The following CDH16 variants were observed in gnomAD, a reference collection of about 807,000 sequenced individuals.
CDH16 encodes the protein cadherin 16.
CDH16 carries 79 observed loss-of-function variants against 87.6 expected under a neutral mutation model. That is an observed-to-expected ratio of 0.90 (90% CI 0.75 to 1.09). The LOEUF (loss-of-function observed/expected upper bound fraction) is 1.09, where lower values mean the gene tolerates loss of function less well. CDH16 is among the 50% of genes least tolerant of loss of function. The pLI is 0.00. For synonymous variants in CDH16, 457 were observed against 439.5 expected, an observed-to-expected ratio of 1.04 and a Z score of -0.50; for missense variants, 1,124 against 1,071.7, an observed-to-expected ratio of 1.05 and a Z score of -0.68.
chr16:66,909,372 G>C lies in CDH16; in HGVS notation c.2287C>G (p.Arg763Gly). ...ATGCACTGCCCCTCCACGTTGCAGC[G>C]ACACACGATCACTGAGGGGAGAGGG... ...WQLLVRVIVC[R>G]CNVEGQCMRK... is the part of the protein sequence containing the mutation. The change falls in exon 17 of 18, where the codon CGC becomes GGC. Residue 763 changes from arginine (R) to glycine (G), a missense_variant. Arg to Gly is a moderately radical substitution (Grantham distance 125, BLOSUM62 -2). Transcript: ENST00000299752. This position sits in a 1 kb window ranked among gnomAD's most constrained non-coding sequence, Gnocchi z 4.1. 7.5e-7 allele frequency: 1 copy of C among 1,336,548 alleles called. No homozygotes were observed. The highest frequency in any genetic ancestry group is 1.0e-6 in the Non-Finnish European group (1 of 996,340). The allele number at this position is 1,336,548 out of a possible 1,614,324, so 82.8% of individuals were successfully genotyped here. A position where few individuals can be genotyped will look rare whatever the true frequency, so the allele number is the denominator to read the frequency against.
rs575134592 is a variant in CDH16, at chr16:66,910,110, C to G, written c.2168-17G>C. 6.2e-7 allele frequency: 1 copy of G among 1,601,776 alleles called. No homozygotes were observed. Among genetic ancestry groups the G allele is most frequent in the South Asian group, 1.1e-5 (1 of 88,874 alleles). ...CATGGGAACCTTTTGGGACAGCAGG[C>G]AAAGACCAGGGTCACCAGCCTGGAC... On this transcript the variant is annotated splice_polypyrimidine_tract_variant and intron_variant, in intron 15 of 17. Coordinates refer to ENST00000299752, the MANE Select transcript of CDH16 (RefSeq NM_004062.4).
In CDH16 at chr16:66,912,352, C is replaced by T. The variant is rs147611353; in HGVS notation, c.1438G>A (p.Glu480Lys). Residue 480 changes from glutamate to lysine, a missense_variant, in exon 12 of 18, where the codon GAG becomes AAG. Transcript: ENST00000299752. The stretch of plus-strand genomic sequence containing the variant: ...AAATCCATGAGGCGGAAGGCGGGCT[C>T]GAGGTCAGCATCAATGGCTGTTAGC... ...AMLTAIDADLEPAFRLMDFAI... is the reference protein window; with the variant it reads ...AMLTAIDADLKPAFRLMDFAI... 4.2e-4 allele frequency: 677 copies of T among 1,614,116 alleles called. No homozygotes were observed. Among genetic ancestry groups the T allele is most frequent in the Non-Finnish European group, 5.1e-4 (603 of 1,180,026 alleles).
Position 66,915,284 on chromosome 16 carries a change from G to T in CDH16, c.519C>A (p.Ala173=), listed in dbSNP as rs778539426. ...LRFHILSQAP[A]QPSPDMFQLE... is the part of the protein sequence containing the mutation. ...GCTGGAACATGTCTGGGGAAGGCTG[G>T]GCTGGAGCCTGGCTCAGGATGTGGA... The change falls in exon 6 of 18, where the codon GCC becomes GCA. Residue 173 remains alanine (A), a synonymous_variant. Coordinates refer to ENST00000299752, the MANE Select transcript of CDH16 (RefSeq NM_004062.4). 1.1e-4 allele frequency: 175 copies of T among 1,613,880 alleles called. No individual in the cohort carries two copies. Among genetic ancestry groups the T allele is most frequent in the Non-Finnish European group, 1.3e-4 (159 of 1,180,024 alleles).
At chr16:66,913,308 G>C (rs760936331) in intron 8 of CDH16, 27 bp from the exon 9 acceptor site, 66 of 1,547,556 alleles carry the variant, frequency 4.3e-5, no homozygotes, top group Non-Finnish European at 5.5e-5. Flanking sequence ...GGGGCTTCAG[G>C]TCAGGACCAA....
intron 11 of CDH16, 25 bp from the exon 12 acceptor site, chr16:66,912,455 G>T (rs1962472557): frequency 6.2e-7 from 1 of 1,613,940 alleles, no homozygotes; most frequent in Non-Finnish European, 8.5e-7. Flanking sequence ...GGGATGGTGA[G>T]CCCCCCACCA....
chr16:66,911,467 AG>A, intron 13 of CDH16, 152 bp from the exon 14 acceptor site: 1 of 761,632 alleles, frequency 1.3e-6, no homozygotes, highest in Non-Finnish European at 2.1e-6. Context: ...CTCTCTCTCC[AG>A]CTTCAGGATT....
intron 3 of CDH16, 44 bp downstream of exon 3, chr16:66,917,598 C>A: frequency 3.6e-6 from 5 of 1,397,410 alleles, no homozygotes; most frequent in Non-Finnish European, 5.1e-6. Context: ...CAGGACTTTG[C>A]GGGGAGGGAT....
chr16:66,909,242 G>A lies in CDH16; in HGVS notation c.2392+25C>T, dbSNP rs1030149896. On this transcript the variant is annotated intron_variant, in intron 17 of 17. Transcript: ENST00000299752. This position sits in a 1 kb window ranked among gnomAD's most constrained non-coding sequence, Gnocchi z 4.1. ...CCAACCACCCATCGCCCTCGCCCAC[G>A]CAGGTAATGTCCAACCTCCATTACC... is the stretch of plus-strand genomic sequence containing the variant. 18 of 1,414,656 alleles carry A rather than the reference G, an allele frequency of 1.3e-5. No individual in the cohort carries two copies. Among genetic ancestry groups the A allele is most frequent in the Middle Eastern group, 1.8e-4 (1 of 5,682 alleles). The allele number at this position is 1,414,656 out of a possible 1,614,324, so 87.6% of individuals were successfully genotyped here.
rs1962516803 is a variant in CDH16 at position 66,913,268 on chromosome 16, A to C, written c.917T>G (p.Val306Gly). The C allele has an allele frequency of 1.3e-6, 2 of 1,555,880 alleles. No homozygotes were observed. Among genetic ancestry groups the C allele is most frequent in the African/African-American group, 2.7e-5 (2 of 73,440 alleles). The change falls in exon 9 of 18, where the codon GTG becomes GGG. Residue 306 changes from valine (V) to glycine (G), a missense_variant. Physicochemically the swap from Val to Gly is moderately radical, Grantham distance 109. Coordinates refer to ENST00000299752, the MANE Select transcript of CDH16 (RefSeq NM_004062.4). ...REAQAEYLLQ[V>G]RAQNSHGEDY... ...CTCGCCATGGGAATTCTGAGCCCGC[A>C]CCTGGAGCAGGTACTGCGGTGGGCA...
chr16:66,912,555 T>C lies in CDH16; in HGVS notation c.1308A>G (p.Glu436=). The C allele has an allele frequency of 6.2e-7, 1 of 1,614,186 alleles. No homozygotes were observed. Among genetic ancestry groups the C allele is most frequent in the Non-Finnish European group, 8.5e-7 (1 of 1,180,018 alleles). The change falls in exon 11 of 18, where the codon GAA becomes GAG. Residue 436 remains glutamate, a synonymous_variant. Transcript: ENST00000299752. The part of the protein sequence containing the change: ...EGGFSSTCEV[E]VAVTDINDHA... ...GATCATTGATATCTGTGACTGCGACTTCGACTTCACACGTGCTGCTGAAGC... is the reference window on the plus strand; with the variant it reads ...GATCATTGATATCTGTGACTGCGACCTCGACTTCACACGTGCTGCTGAAGC...
rs1962241300 is a variant in CDH16 at position 66,908,194 on chromosome 16, C to T, written c.*198G>A. ...GGCAAACACCCTGACATTTGGAGCA[C>T]TCCCATGGGCAGTCCATAAAGTTGG... On this transcript the variant is annotated 3_prime_UTR_variant, in exon 18 of 18. Transcript: ENST00000299752. The T allele has an allele frequency of 1.7e-6, 1 of 580,352 alleles. No homozygotes were observed. Among genetic ancestry groups the T allele is most frequent in the Non-Finnish European group, 3.1e-6 (1 of 325,036 alleles). The allele number at this position is 580,352 out of a possible 1,614,324, so 36.0% of individuals were successfully genotyped here.
At chr16:66,912,642 G>A in intron 10 of CDH16, 22 bp downstream of exon 10, 1 of 1,613,850 alleles carries the variant, frequency 6.2e-7, no homozygotes, top group South Asian at 1.1e-5. Flanking sequence ...AGGGGGCCTG[G>A]GTCACCAATC....
rs1174155785 is a variant in CDH16, at chr16:66,910,067, G to A, written c.2194C>T (p.Leu732=). Residue 732 remains leucine, a synonymous_variant, in exon 16 of 18, where the codon CTG becomes TTG. Transcript: ENST00000299752. ...NGSHAYLTLA[L]HWVEPREHII... ...TGTTCACGTGGCTCCACCCAATGCA[G>A]GGCCAAGGTGAGGTAGGCATGGGAA... 6.2e-7 allele frequency: 1 copy of A among 1,612,706 alleles called. No individual in the cohort carries two copies. Among genetic ancestry groups the A allele is most frequent in the Admixed American group, 1.7e-5 (1 of 59,848 alleles).
At chr16:66,915,181 T>G (rs1395789203) in intron 6 of CDH16, 39 bp downstream of exon 6, 1 of 1,553,996 alleles carries the variant, frequency 6.4e-7, no homozygotes, top group Non-Finnish European at 8.7e-7. Flanking sequence ...TCCAGCTTTC[T>G]CTGACCCTCC....
chr16:66,909,688 T>C lies in CDH16; in HGVS notation c.2275+298A>G, dbSNP rs940351006. Among the ~76,000 whole-genome samples, 5 of 152,038 alleles carry C rather than the reference T, an allele frequency of 3.3e-5. No homozygotes were observed. Among genetic ancestry groups the C allele is most frequent in the African/African-American group, 9.7e-5 (4 of 41,390 alleles). ...GTGCACACCTGTAATCCCAGCTTCT[T>C]GGGAGGCTAAGGCAGAAGAATTGCT... On this transcript the variant is annotated intron_variant, in intron 16 of 17. Transcript: ENST00000299752. The surrounding 1 kb of genome is among the most constrained non-coding windows in gnomAD (Gnocchi z 4.1).
Position 66,908,356 on chromosome 16 carries a change from A to G in CDH16, c.*36T>C. 6.4e-7 allele frequency: 1 copy of G among 1,560,110 alleles called. No individual in the cohort carries two copies. The highest frequency in any genetic ancestry group is 8.8e-7 in the Non-Finnish European group (1 of 1,132,454). ...TCTCCCAGGGGACTCAGATGGAGCC[A>G]GAGGCCAAGCTCCCAGCTAGAGCTG... On this transcript the variant is annotated 3_prime_UTR_variant, in exon 18 of 18. Coordinates refer to ENST00000299752, the MANE Select transcript of CDH16 (RefSeq NM_004062.4).
At chr16:66,914,688 T>A (rs1206499346) in intron 6 of CDH16, among the ~76,000 whole-genome samples, 2 of 152,042 alleles carry the variant, frequency 1.3e-5, no homozygotes, top group African/African-American at 4.8e-5. Context: ...AGATGGCAGA[T>A]GATGGGTTGG....
chr16:66,913,609 T>G lies in CDH16; in HGVS notation c.785A>C (p.His262Pro). The G allele has an allele frequency of 3.7e-6, 6 of 1,613,908 alleles. No individual in the cohort carries two copies. The highest frequency in any genetic ancestry group is 5.1e-6 in the Non-Finnish European group (6 of 1,179,928). The stretch of plus-strand genomic sequence containing the variant: ...ATAGTGCACATCACCCCCACTCCAG[T>G]GTACCTGGGGGGGACACCCCGGGCC... Reference protein sequence around the residue: ...VLYPHHMAQVHWSGGDVHYHL... With the variant: ...VLYPHHMAQVPWSGGDVHYHL... The change falls in exon 8 of 18, where the codon CAC becomes CCC. Residue 262 changes from histidine to proline, a missense_variant. By Grantham distance (77) the His-to-Pro change is moderately conservative. Transcript: ENST00000299752.
At position 66,911,976 on chromosome 16, in the gene CDH16, G is replaced by A; in HGVS notation, c.1713C>T (p.Ala571=). Residue 571 remains alanine, a synonymous_variant, in exon 13 of 18, where the codon GCC becomes GCT. Coordinates refer to ENST00000299752, the MANE Select transcript of CDH16 (RefSeq NM_004062.4). The stretch of plus-strand genomic sequence containing the variant: ...CGGCTGGGGCACTGATGGGGACACT[G>A]GCCTCGTAGCTCTCCTGGTCCAACT... ...PPKLDQESYE[A]SVPISAPAGS... 6.2e-7 allele frequency: 1 copy of A among 1,614,094 alleles called. No individual in the cohort carries two copies.
Sources: allele counts gnomAD v4.1 joint callset (sites outside exome capture counted in the v4.1 genomes callset), GRCh38; gene constraint gnomAD v4.1.1; non-coding constraint Gnocchi (gnomAD v3.1); transcripts MANE v1.5; gene names NCBI Gene and HGNC (gene_info 2026-07-23, HGNC 2026-07-21).